DAB1: variants seen among roughly 807,000 people sequenced by gnomAD.
The protein encoded by DAB1 is disabled homolog 1.
DAB1 carries 15 observed loss-of-function variants against 64.6 expected under a neutral mutation model. That is an observed-to-expected ratio of 0.23 (90% CI 0.16 to 0.36). The LOEUF (loss-of-function observed/expected upper bound fraction) is 0.36, where lower values mean the gene tolerates loss of function less well. DAB1 is among the 10% of genes least tolerant of loss of function. The pLI is 1.00. For synonymous variants in DAB1, 235 were observed against 251.9 expected (o/e 0.93, Z 0.64); for missense variants, 596 against 706.7 (o/e 0.84, Z 1.78).
intron 2 of DAB1, among the ~76,000 whole-genome samples, chr1:57,158,323 T>G (rs1332412464): frequency 6.6e-6 from 1 of 152,168 alleles, no homozygotes; most frequent in Non-Finnish European, 1.5e-5. Flanking sequence ...TTTTTGTTGT[T>G]GTTGCCTGGG....
chr1:57,172,596 G>A lies in DAB1; in HGVS notation c.68-27167C>T, dbSNP rs12097463. On this transcript the variant is annotated intron_variant, in intron 2 of 14. Coordinates refer to ENST00000371236, the MANE Select transcript of DAB1 (RefSeq NM_001365792.1). ...ATCTGTTTTCTGGTGAGAGCCTTGAGCTTCTTCTACACATGGTGTAAGGTG... is the reference window on the plus strand; with the variant it reads ...ATCTGTTTTCTGGTGAGAGCCTTGAACTTCTTCTACACATGGTGTAAGGTG... Among the ~76,000 whole-genome samples, 815 of 152,276 alleles carry A rather than the reference G, an allele frequency of 5.4e-3. 8 individuals carry two copies. Among genetic ancestry groups the A allele is most frequent in the African/African-American group, 0.018 (739 of 41,566 alleles).
At chr1:58,291,475 C>G (rs930517651) in intron 4 of DAB1, among the ~76,000 whole-genome samples, 1 of 152,158 alleles carries the variant, frequency 6.6e-6, no homozygotes, top group South Asian at 2.1e-4. Context: ...AAAGAGTTGT[C>G]TCTCACAGGA....
chr1:57,463,191 G>A lies in DAB1; in HGVS notation n.626-172025C>T, dbSNP rs113001306. 6.9e-3 allele frequency among the ~76,000 whole-genome samples: 1,053 copies of A among 152,310 alleles called. 12 individuals are homozygous for A. The highest frequency in any genetic ancestry group is 0.024 in the African/African-American group (998 of 41,558). On this transcript the variant is annotated intron_variant and non_coding_transcript_variant, in intron 7 of 20. Coordinates refer to the DAB1 transcript ENST00000485760. ...CTTACCAACTGTTCTACCCTGGACA[G>A]CTTCAGTGGCTTTGTGGAGCCTCAA...
intron 3 of DAB1, among the ~76,000 whole-genome samples, chr1:58,400,175 G>A (rs186837684): frequency 8.9e-4 from 135 of 151,580 alleles, no homozygotes; most frequent in African/African-American, 2.7e-3. Flanking sequence ...TCTGCATCTC[G>A]TTTCTCTCAA....
At chr1:57,035,328 G>A (rs992643280) in intron 9 of DAB1, among the ~76,000 whole-genome samples, 7 of 152,038 alleles carry the variant, frequency 4.6e-5, no homozygotes, top group South Asian at 2.1e-4. Context: ...AAATGGCTTC[G>A]GAGCATGATG....
chr1:57,532,494 C>T (rs888253344), intron 7 of DAB1, among the ~76,000 whole-genome samples: 21 of 152,222 alleles, frequency 1.4e-4, no homozygotes, highest in African/African-American at 5.1e-4. Flanking sequence ...AGGGCAGAGC[C>T]TGCAAGGAGC....
intron 6 of DAB1, among the ~76,000 whole-genome samples, chr1:57,778,543 T>C (rs1649921697): frequency 6.6e-6 from 1 of 151,956 alleles, no homozygotes; most frequent in East Asian, 1.9e-4. Flanking sequence ...TTCTAGTTGT[T>C]TGTAGTACAA....
chr1:58,215,145 A>G lies in DAB1; in HGVS notation n.310-64557T>C, dbSNP rs149704105. Among the ~76,000 whole-genome samples, 84 of 152,168 alleles carry G rather than the reference A, an allele frequency of 5.5e-4. No individual in the cohort carries two copies. The East Asian group carries it at 0.016, about 29-fold the overall frequency. On this transcript the variant is annotated intron_variant and non_coding_transcript_variant, in intron 4 of 20. Coordinates refer to the DAB1 transcript ENST00000485760. ...TGACCCCCTCTTCTATCATCTTCTT[A>G]CTGGTTCTCTAGGCTATAATCATCC...
chr1:57,312,907 G>C (rs1674848974), intron 1 of DAB1, among the ~76,000 whole-genome samples: 1 of 152,158 alleles, frequency 6.6e-6, no homozygotes, highest in African/African-American at 2.4e-5. Flanking sequence ...TAATGGAACA[G>C]AGAGGGACGC....
chr1:58,452,363 A>G (rs966640069), intron 3 of DAB1, among the ~76,000 whole-genome samples: 6 of 152,058 alleles, frequency 3.9e-5, no homozygotes, highest in African/African-American at 1.4e-4. Context: ...AATCACAATG[A>G]GATAGAGATA....
chr1:57,475,884 T>C (rs985347503), intron 7 of DAB1, among the ~76,000 whole-genome samples: 2 of 152,188 alleles, frequency 1.3e-5, no homozygotes, highest in African/African-American at 4.8e-5. Context: ...AATGAATGCA[T>C]GAATGAATGA....
At chr1:58,319,559 G>T (rs762494878) in intron 4 of DAB1, among the ~76,000 whole-genome samples, 1 of 152,152 alleles carries the variant, frequency 6.6e-6, no homozygotes, top group Non-Finnish European at 1.5e-5. Flanking sequence ...TTCTCTGTCT[G>T]CAGAATGACT....
chr1:58,466,394 T>G (rs986881525), intron 3 of DAB1, among the ~76,000 whole-genome samples: 1 of 151,984 alleles, frequency 6.6e-6, no homozygotes, highest in Admixed American at 6.6e-5. Context: ...CTAACAGATT[T>G]CTTGCATGTT....
chr1:57,856,331 T>C (rs1653754904), intron 1 of DAB1, among the ~76,000 whole-genome samples: 1 of 152,168 alleles, frequency 6.6e-6, no homozygotes, highest in South Asian at 2.1e-4. Flanking sequence ...TGGGCTGCAA[T>C]CCCTGTATAG....
rs560774025 is a variant in DAB1 at position 57,747,206 on chromosome 1, A to G, written n.552-97541T>C. Among the ~76,000 whole-genome samples, 36 of 152,334 alleles carry G rather than the reference A, an allele frequency of 2.4e-4. 1 individual carries two copies. Among genetic ancestry groups the G allele is most frequent in the Admixed American group, 2.2e-3 (34 of 15,294 alleles). Reference sequence around the variant, plus strand: ...TTAAGTTCTCCCAAAGTTCTAAACCATACATATTCGCCCCTTCTTGCCCTT... The same window carrying G: ...TTAAGTTCTCCCAAAGTTCTAAACCGTACATATTCGCCCCTTCTTGCCCTT... On this transcript the variant is annotated intron_variant and non_coding_transcript_variant, in intron 6 of 20. Coordinates refer to the DAB1 transcript ENST00000485760.
chr1:57,317,113 A>G (rs910693999), intron 1 of DAB1, among the ~76,000 whole-genome samples: 4 of 152,134 alleles, frequency 2.6e-5, no homozygotes, highest in African/African-American at 9.7e-5. Context: ...GAGCCACCCT[A>G]TCAGGAGGCC....
rs558873724 is a variant in DAB1, at chr1:57,490,151, G to A, written n.625+159441C>T. Among the ~76,000 whole-genome samples the A allele has an allele frequency of 1.8e-3, 268 of 152,202 alleles. 1 individual carries two copies. Among genetic ancestry groups the A allele is most frequent in the Non-Finnish European group, 3.0e-3 (205 of 68,040 alleles). The stretch of plus-strand genomic sequence containing the variant: ...TGAACTTCTCAGCCTCCCAAATGGT[G>A]AGAAATAAATTTCTGTTGCTAATAA... On this transcript the variant is annotated intron_variant and non_coding_transcript_variant, in intron 7 of 20. Transcript: ENST00000485760.
chr1:57,342,094 A>G (rs1314858754), intron 1 of DAB1, among the ~76,000 whole-genome samples: 1 of 152,244 alleles, frequency 6.6e-6, no homozygotes, highest in Non-Finnish European at 1.5e-5. Context: ...ACTTATACAT[A>G]GTTTGCTCCA....
intron 4 of DAB1, among the ~76,000 whole-genome samples, chr1:57,110,557 C>G (rs1450421106): frequency 2.0e-5 from 3 of 152,188 alleles, no homozygotes; most frequent in Non-Finnish European, 2.9e-5. Flanking sequence ...TTCGTTGATT[C>G]ACTCAACGTA....
Sources: allele counts gnomAD v4.1 joint callset (sites outside exome capture counted in the v4.1 genomes callset), GRCh38; gene constraint gnomAD v4.1.1; transcripts MANE v1.5; gene names NCBI Gene and HGNC (gene_info 2026-07-23, HGNC 2026-07-21).